The following RAB11FIP3 variants were observed in gnomAD, a reference collection of about 807,000 sequenced individuals.
RAB11FIP3 encodes rab11 family-interacting protein 3.
Under a neutral mutation model 77.8 loss-of-function variants are expected in RAB11FIP3, and 17 were observed. The ratio of observed to expected loss-of-function variants is 0.22; its 90% CI spans 0.15 to 0.33. The LOEUF (loss-of-function observed/expected upper bound fraction) is 0.33. RAB11FIP3 is among the 10% of genes least tolerant of loss of function. The pLI, the probability that RAB11FIP3 is intolerant of heterozygous loss-of-function variation, is 1.00. For synonymous variants in RAB11FIP3, 437 were observed against 448.2 expected, an observed-to-expected ratio of 0.98 and a Z score of 0.31; for missense variants, 1,005 against 1,011.2, an observed-to-expected ratio of 0.99 and a Z score of 0.08.
intron 1 of RAB11FIP3, among the ~76,000 whole-genome samples, chr16:446,170 A>G (rs150317381): frequency 4.6e-5 from 7 of 152,168 alleles, no homozygotes; most frequent in African/African-American, 1.7e-4. Flanking sequence ...CTGGAGCCCA[A>G]GAGTTTGAAG....
At chr16:515,852 G>A (rs2032391696) in intron 9 of RAB11FIP3, among the ~76,000 whole-genome samples, 1 of 152,188 alleles carries the variant, frequency 6.6e-6, no homozygotes, top group South Asian at 2.1e-4. Context: ...GGATAAAGGC[G>A]AGGCTCACAC....
intron 4 of RAB11FIP3, 140 bp from the exon 5 acceptor site, chr16:488,711 C>CTTTTTT: frequency 1.7e-6 from 1 of 580,328 alleles, no homozygotes; most frequent in Non-Finnish European, 2.6e-6. Context: ...ATCCAGCCCA[C>CTTTTTT]TTTTTTTTTT....
At chr16:495,451 A>G (rs1324666691) in intron 5 of RAB11FIP3, among the ~76,000 whole-genome samples, 2 of 152,198 alleles carry the variant, frequency 1.3e-5, no homozygotes, top group South Asian at 2.1e-4. Context: ...GAGAACAGCT[A>G]CCCGAATGGG....
intron 3 of RAB11FIP3, chr16:474,861 T>C (rs2055871454): frequency 6.9e-7 from 1 of 1,458,744 alleles, no homozygotes; most frequent in Admixed American, 2.3e-5. Flanking sequence ...TTAGAGCGTG[T>C]CTGGGAGCAG....
In RAB11FIP3 at chr16:426,512, C is replaced by T; in HGVS notation, c.506C>T (p.Ala169Val). 3 of 1,559,486 alleles carry T rather than the reference C, an allele frequency of 1.9e-6. No homozygotes were observed. The highest frequency in any genetic ancestry group is 8.7e-7 in the Non-Finnish European group (1 of 1,153,336). Residue 169 changes from alanine to valine, a missense_variant, in exon 1 of 14, where the codon GCG becomes GTG. Physicochemically the swap from Ala to Val is moderately conservative, Grantham distance 64. Coordinates refer to ENST00000262305, the MANE Select transcript of RAB11FIP3 (RefSeq NM_014700.4). The surrounding 1 kb of genome is among the most constrained non-coding windows in gnomAD (Gnocchi z 5.0). ...DVFSPFPAPT[A>V]GELALEQGPG... Reference sequence around the variant, plus strand: ...TTCTCTCCCTTCCCCGCGCCCACGGCGGGCGAGCTGGCGCTGGAGCAAGGT... The same window carrying T: ...TTCTCTCCCTTCCCCGCGCCCACGGTGGGCGAGCTGGCGCTGGAGCAAGGT...
At chr16:452,024 CT>C (rs1277332601) in intron 1 of RAB11FIP3, among the ~76,000 whole-genome samples, 4 of 152,108 alleles carry the variant, frequency 2.6e-5, no homozygotes, top group Non-Finnish European at 5.9e-5. Context: ...TGGCAGGCGC[CT>C]GTAATCCCAG....
intron 1 of RAB11FIP3, among the ~76,000 whole-genome samples, chr16:447,646 G>A (rs576094957): frequency 1.3e-5 from 2 of 152,324 alleles, no homozygotes; most frequent in African/African-American, 4.8e-5. Context: ...GCTAAGGCAG[G>A]AGAATGGTGT....
intron 1 of RAB11FIP3, among the ~76,000 whole-genome samples, chr16:427,523 C>G (rs540936155): frequency 8.7e-4 from 132 of 152,368 alleles, no homozygotes; most frequent in African/African-American, 2.7e-3. Context: ...TTGTTCCTGT[C>G]TACCTCAGCA....
intron 2 of RAB11FIP3, among the ~76,000 whole-genome samples, chr16:465,153 C>G (rs922003078): frequency 6.6e-6 from 1 of 152,022 alleles, no homozygotes; most frequent in Non-Finnish European, 1.5e-5. Context: ...GTAGCTGTGT[C>G]GTTTTTGTTT....
rs1188250320 is a variant in RAB11FIP3 at position 461,981 on chromosome 16, T to TC, written c.808+487dup. 2.0e-5 allele frequency among the ~76,000 whole-genome samples: 3 copies of TC among 152,176 alleles called. No homozygotes were observed. Among genetic ancestry groups the TC allele is most frequent in the Non-Finnish European group, 4.4e-5 (3 of 68,046 alleles). On this transcript the variant is annotated intron_variant, in intron 2 of 13. Coordinates refer to ENST00000262305, the MANE Select transcript of RAB11FIP3 (RefSeq NM_014700.4). This position sits in a 1 kb window ranked among gnomAD's most constrained non-coding sequence, Gnocchi z 4.5. The stretch of plus-strand genomic sequence containing the variant: ...ACACTGCAGCCCGTACCACCATCGT[T>TC]CCCTAGAGCTCAGTGTTTGTTTCCA...
chr16:432,631 G>T (rs2055056917), intron 1 of RAB11FIP3, among the ~76,000 whole-genome samples: 1 of 136,404 alleles, frequency 7.3e-6, no homozygotes, highest in Non-Finnish European at 1.5e-5. Context: ...ACAGGGTCTC[G>T]CTCTGTGGCC....
At chr16:442,853 C>G (rs2055250136) in intron 1 of RAB11FIP3, among the ~76,000 whole-genome samples, 1 of 152,182 alleles carries the variant, frequency 6.6e-6, no homozygotes. Context: ...ATGTTTCTTC[C>G]TCTCTTCTAC....
At chr16:485,069 C>G (rs1827393260) in intron 4 of RAB11FIP3, among the ~76,000 whole-genome samples, 2 of 152,116 alleles carry the variant, frequency 1.3e-5, no homozygotes, top group South Asian at 4.1e-4. Flanking sequence ...GTGGGAGCTC[C>G]TCTGCCTGCT....
At chr16:508,725 C>T (rs1012943709) in intron 8 of RAB11FIP3, among the ~76,000 whole-genome samples, 2 of 152,192 alleles carry the variant, frequency 1.3e-5, no homozygotes, top group Admixed American at 1.3e-4. Context: ...TGTGGGAAGA[C>T]TTCTGAAGTT....
intron 5 of RAB11FIP3, among the ~76,000 whole-genome samples, chr16:492,397 C>CA (rs2030478035): frequency 7.8e-6 from 1 of 127,740 alleles, no homozygotes; most frequent in Admixed American, 7.5e-5. Context: ...GAGCCCTCCC[C>CA]GGGAGACCCG....
chr16:454,473 A>T (rs2055462937), intron 1 of RAB11FIP3, among the ~76,000 whole-genome samples: 1 of 152,134 alleles, frequency 6.6e-6, no homozygotes, highest in Admixed American at 6.6e-5. Flanking sequence ...GCTACTCAGG[A>T]GGCTGAGGCA....
At chr16:515,552 G>C (rs969944646) in intron 9 of RAB11FIP3, among the ~76,000 whole-genome samples, 5 of 150,150 alleles carry the variant, frequency 3.3e-5, no homozygotes, top group African/African-American at 1.2e-4. Context: ...GCATCTTGGA[G>C]CAGCCACACG....
intron 5 of RAB11FIP3, among the ~76,000 whole-genome samples, chr16:494,421 G>A (rs1293924014): frequency 6.6e-6 from 1 of 151,472 alleles, no homozygotes; most frequent in Non-Finnish European, 1.5e-5. Flanking sequence ...AGGAGATCGA[G>A]ACCATCCTGG....
chr16:475,699 C>A (rs561092941), intron 3 of RAB11FIP3, among the ~76,000 whole-genome samples: 117 of 152,164 alleles, frequency 7.7e-4, no homozygotes, highest in African/African-American at 2.7e-3. Context: ...GTATCGATGG[C>A]GATGGCATGG....
Sources: allele counts gnomAD v4.1 joint callset (sites outside exome capture counted in the v4.1 genomes callset), GRCh38; gene constraint gnomAD v4.1.1; non-coding constraint Gnocchi (gnomAD v3.1); transcripts MANE v1.5; gene names NCBI Gene and HGNC (gene_info 2026-07-23, HGNC 2026-07-21).